HDAC4: variants seen among roughly 807,000 people sequenced by gnomAD.
The protein encoded by HDAC4 is histone deacetylase 4, also known as histone deacetylase A.
HDAC4 carries 16 observed loss-of-function variants against 135.1 expected under a neutral mutation model. That is an observed-to-expected ratio of 0.12 (90% CI 0.08 to 0.18). HDAC4 has a LOEUF of 0.18. HDAC4 is among the 10% of genes least tolerant of loss of function. The pLI is 1.00. For synonymous variants in HDAC4, 685 were observed against 653.4 expected, an observed-to-expected ratio of 1.05 and a Z score of -0.74; for missense variants, 1,143 against 1,511.8, an observed-to-expected ratio of 0.76 and a Z score of 4.05.
chr2:239,220,415 G>A (rs374245194), intron 3 of HDAC4, among the ~76,000 whole-genome samples: 3 of 152,240 alleles, frequency 2.0e-5, no homozygotes, highest in African/African-American at 7.2e-5. Flanking sequence ...GAAAATTAAA[G>A]CATACACTGT....
chr2:239,195,481 G>A (rs1451801713), intron 3 of HDAC4, among the ~76,000 whole-genome samples: 3 of 152,198 alleles, frequency 2.0e-5, no homozygotes, highest in South Asian at 4.1e-4. Context: ...TCCCAGGCCC[G>A]GCCCCACACA....
intron 3 of HDAC4, among the ~76,000 whole-genome samples, chr2:239,204,824 G>A (rs550910638): frequency 3.9e-5 from 6 of 152,284 alleles, no homozygotes; most frequent in South Asian, 4.1e-4. Flanking sequence ...CTGAGACCAC[G>A]GAGGGGCCTC....
At chr2:239,225,792 T>C (rs1252500338) in intron 3 of HDAC4, among the ~76,000 whole-genome samples, 1 of 152,240 alleles carries the variant, frequency 6.6e-6, no homozygotes, top group Non-Finnish European at 1.5e-5. Context: ...GTCAGACACC[T>C]GGCTCTGATG....
chr2:239,213,596 G>A (rs1341456970), intron 3 of HDAC4, among the ~76,000 whole-genome samples: 4 of 152,186 alleles, frequency 2.6e-5, no homozygotes, highest in Non-Finnish European at 4.4e-5. Flanking sequence ...TTTCCAGCTC[G>A]GAGAGTGGCC....
intron 22 of HDAC4, among the ~76,000 whole-genome samples, chr2:239,074,806 ACTGTGCTTACC>A (rs1486419150): frequency 2.0e-5 from 3 of 152,184 alleles, no homozygotes; most frequent in Admixed American, 2.0e-4. Flanking sequence ...TGTCTTCAGG[ACTGTGCTTACC>A]CTCCACGACT....
intron 2 of HDAC4, among the ~76,000 whole-genome samples, chr2:239,265,829 G>C (rs889606808): frequency 6.6e-6 from 1 of 152,214 alleles, no homozygotes; most frequent in Non-Finnish European, 1.5e-5. Flanking sequence ...ATTCTGCTAG[G>C]TCCTGGGGGT....
intron 7 of HDAC4, among the ~76,000 whole-genome samples, chr2:239,148,925 T>C (rs1484254258): frequency 6.6e-6 from 1 of 152,024 alleles, no homozygotes; most frequent in East Asian, 1.9e-4. Context: ...ATGAAAAAAA[T>C]GATCAACTTC....
At chr2:239,092,333 A>C (rs2036597149) in intron 17 of HDAC4, among the ~76,000 whole-genome samples, 1 of 152,106 alleles carries the variant, frequency 6.6e-6, no homozygotes, top group East Asian at 1.9e-4. Flanking sequence ...TGTGTCAGCC[A>C]GCAGAGGCGG....
chr2:239,190,460 T>G (rs1284116875), intron 3 of HDAC4, among the ~76,000 whole-genome samples: 2 of 152,238 alleles, frequency 1.3e-5, no homozygotes, highest in African/African-American at 4.8e-5. Flanking sequence ...AAAAAGGTTG[T>G]GGCTGTTCAA....
chr2:239,304,774 A>C (rs1159007249), intron 2 of HDAC4, among the ~76,000 whole-genome samples: 2 of 152,144 alleles, frequency 1.3e-5, no homozygotes, highest in East Asian at 3.9e-4. Context: ...GGAGCTTAGG[A>C]ATGACACGCT....
At chr2:239,238,168 T>C (rs1258101742) in intron 2 of HDAC4, among the ~76,000 whole-genome samples, 1 of 152,192 alleles carries the variant, frequency 6.6e-6, no homozygotes, top group Non-Finnish European at 1.5e-5. Flanking sequence ...AGACCCCAGA[T>C]AGTGGTGGAA....
At chr2:239,144,109 A>T (rs1435484201) in intron 8 of HDAC4, among the ~76,000 whole-genome samples, 1 of 152,172 alleles carries the variant, frequency 6.6e-6, no homozygotes, top group African/African-American at 2.4e-5. Context: ...AGCTGAAGCA[A>T]CTTCACTCCT....
In HDAC4 at chr2:239,314,371, C is replaced by G. The variant is rs2053028694; in HGVS notation, c.22+38307G>C. Reference sequence around the variant, plus strand: ...GAGGTCATCCAGGGTCAGGCTGGAGCTAGAGGCCTCCAGATCCTGTCACTT... The same window carrying G: ...GAGGTCATCCAGGGTCAGGCTGGAGGTAGAGGCCTCCAGATCCTGTCACTT... On this transcript the variant is annotated intron_variant, in intron 2 of 26. Transcript: ENST00000543185. Among the ~76,000 whole-genome samples the G allele has an allele frequency of 2.6e-5, 4 of 152,274 alleles. No individual in the cohort carries two copies. In the South Asian group the frequency reaches 8.3e-4, roughly 32 times the overall value.
Position 239,236,590 on chromosome 2 carries a change from T to C in HDAC4, c.94+3A>G. ...CGGACAGGGCAGGGGTGGGCGGACT[T>C]ACCCGTGCTGGGCATGTGGTTCACG... On this transcript the variant is annotated splice_donor_region_variant and intron_variant, in intron 3 of 26. Transcript: ENST00000543185. The C allele has an allele frequency of 1.3e-6, 2 of 1,551,292 alleles. No individual in the cohort carries two copies. The highest frequency in any genetic ancestry group is 1.7e-6 in the Non-Finnish European group (2 of 1,146,594).
At chr2:239,156,813 C>A (rs368646627) in intron 6 of HDAC4, 40 bp from the exon 7 acceptor site, 1 of 1,613,402 alleles carries the variant, frequency 6.2e-7, no homozygotes. Flanking sequence ...GTTTACCCAG[C>A]GCACTGCCCC....
intron 1 of HDAC4, among the ~76,000 whole-genome samples, chr2:239,375,578 C>T (rs943344749): frequency 7.2e-5 from 11 of 152,256 alleles, no homozygotes; most frequent in African/African-American, 2.2e-4. Flanking sequence ...CTCACGCCTA[C>T]CTGGCACACG....
In HDAC4 at chr2:239,245,471, AAG is replaced by A. The variant is rs544933359; in HGVS notation, c.23-8809_23-8808del. On this transcript the variant is annotated intron_variant, in intron 2 of 26. Coordinates refer to ENST00000543185, the MANE Select transcript of HDAC4 (RefSeq NM_001378414.1). The surrounding 1 kb of genome is among the most constrained non-coding windows in gnomAD (Gnocchi z 4.4). ...TAAAAATTAAACATCGTTTGGGTAT[AAG>A]ATGATATGTAGGAATCATGATTCCT... 2.6e-4 allele frequency among the ~76,000 whole-genome samples: 40 copies of A among 152,340 alleles called. No individual in the cohort carries two copies. The highest frequency in any genetic ancestry group is 1.1e-3 in the Admixed American group (17 of 15,298).
At position 239,370,726 on chromosome 2, in the gene HDAC4, G is replaced by A. The variant is rs147117212; in HGVS notation, c.-219-17808C>T. Among the ~76,000 whole-genome samples the A allele has an allele frequency of 7.1e-3, 1,079 of 152,360 alleles. 7 individuals are homozygous for A. Among genetic ancestry groups the A allele is most frequent in the Non-Finnish European group, 0.012 (824 of 68,040 alleles). ...ACCTGCAGCCCTGCGGCGCCTGGAG[G>A]AGCCGAGCAGAGGAGCTGGTTGAGC... On this transcript the variant is annotated intron_variant, in intron 1 of 26. Coordinates refer to ENST00000543185, the MANE Select transcript of HDAC4 (RefSeq NM_001378414.1).
intron 2 of HDAC4, among the ~76,000 whole-genome samples, chr2:239,351,972 G>A (rs981951163): frequency 1.3e-5 from 2 of 152,038 alleles, no homozygotes; most frequent in African/African-American, 2.4e-5. Flanking sequence ...GGCAGGCCTC[G>A]AGGTTTCATT....
Sources: allele counts gnomAD v4.1 joint callset (sites outside exome capture counted in the v4.1 genomes callset), GRCh38; gene constraint gnomAD v4.1.1; non-coding constraint Gnocchi (gnomAD v3.1); transcripts MANE v1.5; gene names NCBI Gene and HGNC (gene_info 2026-07-23, HGNC 2026-07-21).